The following PCDHA8 variants were observed in gnomAD, a reference collection of about 807,000 sequenced individuals.
PCDHA8 encodes protocadherin alpha-8.
A neutral mutation model predicts 61.8 loss-of-function variants in PCDHA8; 53 were observed. The ratio of observed to expected loss-of-function variants is 0.86; its 90% CI spans 0.69 to 1.08. The LOEUF (loss-of-function observed/expected upper bound fraction) is 1.08. PCDHA8 is among the 50% of genes least tolerant of loss of function. The pLI, the probability that PCDHA8 is intolerant of heterozygous loss-of-function variation, is 0.00. For missense variants in PCDHA8, 1,293 were observed against 1,245.0 expected, an observed-to-expected ratio of 1.04 and a Z score of -0.58; for synonymous variants, 618 against 556.6, an observed-to-expected ratio of 1.11 and a Z score of -1.55.
chr5:140,857,611 G>C, intron 1 of PCDHA8: 2 of 1,596,436 alleles, frequency 1.3e-6, no homozygotes, highest in Non-Finnish European at 1.7e-6. Flanking sequence ...CGCTGCAGCC[G>C]CTGGACCACG....
intron 1 of PCDHA8, among the ~76,000 whole-genome samples, chr5:140,947,763 A>C (rs1392881813): frequency 1.3e-5 from 2 of 151,658 alleles, no homozygotes; most frequent in Non-Finnish European, 3.0e-5. Context: ...TGGTTTAAAA[A>C]ATTCTATTGT....
chr5:140,855,900 C>G, intron 1 of PCDHA8: 1 of 1,079,358 alleles, frequency 9.3e-7, no homozygotes, highest in Non-Finnish European at 1.3e-6. Flanking sequence ...AGGCATCAGC[C>G]AGTTTCTCAA....
intron 1 of PCDHA8, chr5:140,967,413 A>C: frequency 6.2e-7 from 1 of 1,613,218 alleles, no homozygotes; most frequent in Non-Finnish European, 8.5e-7. Context: ...AAGGGCCTAG[A>C]CCGGGAGCAG....
At chr5:140,933,401 C>T (rs1382982699) in intron 1 of PCDHA8, among the ~76,000 whole-genome samples, 1 of 151,928 alleles carries the variant, frequency 6.6e-6, no homozygotes, top group African/African-American at 2.4e-5. Flanking sequence ...ATCTGGTTAC[C>T]ATCTACAGAT....
At chr5:140,882,454 C>G (rs782708863) in intron 1 of PCDHA8, 12 of 1,613,934 alleles carry the variant, frequency 7.4e-6, no homozygotes, top group Non-Finnish European at 1.0e-5. Flanking sequence ...TGGTGCCGCG[C>G]CTGTTCCGGG....
At chr5:140,903,597 T>C (rs1182384058) in intron 1 of PCDHA8, among the ~76,000 whole-genome samples, 1 of 152,218 alleles carries the variant, frequency 6.6e-6, no homozygotes, top group African/African-American at 2.4e-5. Flanking sequence ...GCCTGATAAA[T>C]GCTTAATACA....
chr5:140,844,849 G>T, intron 1 of PCDHA8, among the ~76,000 whole-genome samples: 1 of 148,746 alleles, frequency 6.7e-6, no homozygotes, highest in African/African-American at 2.5e-5. Flanking sequence ...TGTGACTGTT[G>T]GACCTGCCTG....
chr5:140,854,117 G>T, intron 1 of PCDHA8: 1 of 316,936 alleles, frequency 3.2e-6, no homozygotes, highest in Non-Finnish European at 4.3e-6. Flanking sequence ...AACTGTGATG[G>T]CACAACTGCA....
chr5:140,870,919 C>T (rs1562653740), intron 1 of PCDHA8: 1 of 1,613,952 alleles, frequency 6.2e-7, no homozygotes, highest in Non-Finnish European at 8.5e-7. Context: ...CAACGCGTGG[C>T]TTTCATATGA....
At chr5:140,931,791 T>A (rs1168945699) in intron 1 of PCDHA8, among the ~76,000 whole-genome samples, 1 of 152,016 alleles carries the variant, frequency 6.6e-6, no homozygotes, top group African/African-American at 2.4e-5. Context: ...CCTATTGATC[T>A]GATCTTAATT....
At chr5:140,970,082 G>C (rs1203003794) in intron 1 of PCDHA8, among the ~76,000 whole-genome samples, 1 of 152,178 alleles carries the variant, frequency 6.6e-6, no homozygotes, top group Non-Finnish European at 1.5e-5. Context: ...TGGATTAGGG[G>C]TGTGGGGGGA....
intron 1 of PCDHA8, chr5:140,862,517 T>C (rs962060354): frequency 3.9e-5 from 16 of 410,600 alleles, no homozygotes; most frequent in African/African-American, 2.9e-4. Flanking sequence ...GCTTTCATTG[T>C]TGGCCACAGC....
At chr5:140,993,668 A>G (rs551356894) in intron 3 of PCDHA8, among the ~76,000 whole-genome samples, 167 of 152,322 alleles carry the variant, frequency 1.1e-3, no homozygotes, top group African/African-American at 3.4e-3. Context: ...ACAATGGACC[A>G]CATATGTGAC....
chr5:140,852,028 T>A, intron 1 of PCDHA8: 1 of 943,108 alleles, frequency 1.1e-6, no homozygotes, highest in Non-Finnish European at 1.3e-6. Context: ...AAACTTCGCT[T>A]ATTGAGTTTT....
In PCDHA8 at chr5:140,841,660, G is replaced by T. The variant is rs2150320374; in HGVS notation, c.339G>T (p.Pro113=). Residue 113 remains proline (P), a synonymous_variant, in exon 1 of 4, where the codon CCG becomes CCT. Transcript: ENST00000531613. Reference sequence around the variant, plus strand: ...ACCTGGAGGTGATCGTGGACAGGCCGCTGCAGGTTTTCCATGTGGACGTGG... The same window carrying T: ...ACCTGGAGGTGATCGTGGACAGGCCTCTGCAGGTTTTCCATGTGGACGTGG... ...SIHLEVIVDR[P]LQVFHVDVEV... 1.8e-5 allele frequency: 29 copies of T among 1,614,122 alleles called. No individual in the cohort carries two copies. Among genetic ancestry groups the T allele is most frequent in the Non-Finnish European group, 2.5e-5 (29 of 1,179,988 alleles).
At chr5:140,933,212 T>C (rs2088935461) in intron 1 of PCDHA8, among the ~76,000 whole-genome samples, 1 of 151,682 alleles carries the variant, frequency 6.6e-6, no homozygotes, top group African/African-American at 2.4e-5. Context: ...ATTACATGTC[T>C]GTTATATTGC....
rs797023184 is a variant in PCDHA8 at position 140,941,202 on chromosome 5, CCTTT to C, written c.2395-37739_2395-37736del. The stretch of plus-strand genomic sequence containing the variant: ...TCCTGCTTCTTTTTTTTTCTTTCTT[CCTTT>C]CTTTCTTCCTTTCTTTCTTTCTTTC... On this transcript the variant is annotated intron_variant, in intron 1 of 3. Transcript: ENST00000531613. Among the ~76,000 whole-genome samples, 914 of 122,710 alleles carry C rather than the reference CCTTT, an allele frequency of 7.4e-3. 14 individuals are homozygous for C. The highest frequency in any genetic ancestry group is 0.013 in the African/African-American group (444 of 33,832). The allele number at this position is 122,710 out of a possible 152,430, so 80.5% of individuals were successfully genotyped here. A position where few individuals can be genotyped will look rare whatever the true frequency, so the allele number is the denominator to read the frequency against.
rs2150325443 is a variant in PCDHA8 at position 140,841,911 on chromosome 5, G to GA, written c.594dup (p.Ser199IlefsTer23). 1 of 1,613,886 alleles carries GA rather than the reference G, an allele frequency of 6.2e-7. No individual in the cohort carries two copies. The highest frequency in any genetic ancestry group is 8.5e-7 in the Non-Finnish European group (1 of 1,179,852). ...AATAAACTGGTTGAGCTCGTATTAA[G>GA]AAAATCCTTGGACAGAGAGGACGCT... On this transcript the variant is annotated frameshift_variant, in exon 1 of 4. Transcript: ENST00000531613. LOFTEE classifies it high-confidence loss of function.
chr5:140,969,254 A>G (rs781854163), intron 1 of PCDHA8: 2 of 1,614,242 alleles, frequency 1.2e-6, no homozygotes, highest in Non-Finnish European at 1.7e-6. Context: ...GACTGACAGC[A>G]GGAATCTCAC....
Sources: allele counts gnomAD v4.1 joint callset (sites outside exome capture counted in the v4.1 genomes callset), GRCh38; gene constraint gnomAD v4.1.1; transcripts MANE v1.5; gene names NCBI Gene and HGNC (gene_info 2026-07-23, HGNC 2026-07-21).